Variants in KCNMA1 observed in about 807,000 individuals in gnomAD.
The protein encoded by KCNMA1 is Calcium-activated potassium channel subunit alpha-1.
A neutral mutation model predicts 140.0 loss-of-function variants in KCNMA1; 29 were observed. That is an observed-to-expected ratio of 0.21 (90% CI 0.15 to 0.28). KCNMA1 has a LOEUF of 0.28. KCNMA1 is among the 10% of genes least tolerant of loss of function. The pLI is 1.00. For missense variants in KCNMA1, 880 were observed against 1,602.2 expected, an observed-to-expected ratio of 0.55 and a Z score of 7.70; for synonymous variants, 612 against 611.9, an observed-to-expected ratio of 1.00 and a Z score of 0.00.
chr10:76,916,154 C>G (rs1178469213), intron 23 of KCNMA1, among the ~76,000 whole-genome samples: 1 of 152,118 alleles, frequency 6.6e-6, no homozygotes, highest in Non-Finnish European at 1.5e-5. Context: ...CATCTAAATC[C>G]TCCTGACTAA....
At chr10:77,529,688 T>A (rs1016072483) in intron 1 of KCNMA1, among the ~76,000 whole-genome samples, 26 of 152,040 alleles carry the variant, frequency 1.7e-4, no homozygotes, top group African/African-American at 6.3e-4. Context: ...AATTCCTAGA[T>A]AACTTAACCC....
chr10:77,552,369 G>T (rs1289648641), intron 1 of KCNMA1, among the ~76,000 whole-genome samples: 1 of 152,158 alleles, frequency 6.6e-6, no homozygotes, highest in African/African-American at 2.4e-5. Flanking sequence ...CATCCTCTGG[G>T]TCTGCTTCCT....
At chr10:77,278,698 T>G (rs1390737344) in intron 2 of KCNMA1, among the ~76,000 whole-genome samples, 2 of 152,312 alleles carry the variant, frequency 1.3e-5, no homozygotes, top group African/African-American at 4.8e-5. Flanking sequence ...GGATTTGGTA[T>G]GGTAAAAGTG....
intron 19 of KCNMA1, among the ~76,000 whole-genome samples, chr10:76,976,257 G>T (rs2077480521): frequency 2.6e-5 from 4 of 152,146 alleles, no homozygotes; most frequent in Admixed American, 2.6e-4. Context: ...TGCATTTCTG[G>T]CTTTTGTGGA....
intron 3 of KCNMA1, among the ~76,000 whole-genome samples, chr10:77,189,243 G>A (rs944259042): frequency 8.5e-5 from 13 of 152,106 alleles, no homozygotes; most frequent in Admixed American, 6.6e-4. Context: ...AATTATAGGT[G>A]TTGCTGCTCG....
intron 2 of KCNMA1, among the ~76,000 whole-genome samples, chr10:77,386,079 G>A (rs1027781435): frequency 3.3e-5 from 5 of 152,202 alleles, no homozygotes. Flanking sequence ...GTTCCAAGGA[G>A]CACTCACTGG....
chr10:76,887,515 C>A lies in KCNMA1; in HGVS notation c.3462G>T (p.Arg1154Ser). The change falls in exon 28 of 28, where the codon AGG (arginine) becomes AGT (serine). Residue 1154 changes from arginine to serine, a missense_variant and splice_region_variant. Coordinates refer to ENST00000286628, the MANE Select transcript of KCNMA1 (RefSeq NM_001161352.2). ...HLSTPSQCTK[R>S]YVITNPPYEF... is the part of the protein sequence containing the mutation. ...CATAGGGCGGGTTGGTGATGACATACCTGGACAGGGAAAGCAGAGATGTCA... is the reference window on the plus strand; with the variant it reads ...CATAGGGCGGGTTGGTGATGACATAACTGGACAGGGAAAGCAGAGATGTCA... 6.2e-7 allele frequency: 1 copy of A among 1,614,110 alleles called. No homozygotes were observed. Among genetic ancestry groups the A allele is most frequent in the Non-Finnish European group, 8.5e-7 (1 of 1,180,014 alleles).
chr10:76,879,277 C>T (rs2033545087), intron 29 of KCNMA1, among the ~76,000 whole-genome samples: 1 of 152,140 alleles, frequency 6.6e-6, no homozygotes, highest in Non-Finnish European at 1.5e-5. Flanking sequence ...AGCCTCGCCC[C>T]AGTTTAATGC....
At chr10:77,152,159 G>A (rs1442469638) in intron 5 of KCNMA1, among the ~76,000 whole-genome samples, 1 of 152,140 alleles carries the variant, frequency 6.6e-6, no homozygotes, top group African/African-American at 2.4e-5. Flanking sequence ...GATAGCAAGG[G>A]GTACATAGCA....
intron 5 of KCNMA1, among the ~76,000 whole-genome samples, chr10:77,177,408 C>T (rs1239504970): frequency 2.1e-5 from 3 of 144,788 alleles, no homozygotes; most frequent in Non-Finnish European, 4.5e-5. Flanking sequence ...TCCTTCCTTC[C>T]TTCTTTCCTC....
intron 2 of KCNMA1, among the ~76,000 whole-genome samples, chr10:77,403,301 A>C (rs2096342328): frequency 6.6e-6 from 1 of 152,168 alleles, no homozygotes; most frequent in Admixed American, 6.5e-5. Flanking sequence ...CTCTAGGTAC[A>C]CGGGCCAGGC....
At chr10:76,897,796 A>C (rs2043224198) in intron 25 of KCNMA1, among the ~76,000 whole-genome samples, 1 of 152,012 alleles carries the variant, frequency 6.6e-6, no homozygotes, top group Non-Finnish European at 1.5e-5. Context: ...GTATTGCTAA[A>C]ATTATGTTTT....
At chr10:77,411,896 C>A (rs763575938) in intron 1 of KCNMA1, among the ~76,000 whole-genome samples, 2 of 152,208 alleles carry the variant, frequency 1.3e-5, no homozygotes, top group Non-Finnish European at 2.9e-5. Context: ...TGCTAAGAAC[C>A]ACGGTTCTCT....
chr10:77,271,653 C>G (rs2065180899), intron 2 of KCNMA1, among the ~76,000 whole-genome samples: 1 of 152,106 alleles, frequency 6.6e-6, no homozygotes, highest in African/African-American at 2.4e-5. Context: ...TAAATAAATC[C>G]CCAGTTCAAT....
chr10:77,198,324 G>T (rs146492475), intron 3 of KCNMA1, among the ~76,000 whole-genome samples: 1 of 152,018 alleles, frequency 6.6e-6, no homozygotes, highest in African/African-American at 2.4e-5. Context: ...CCCAACAGTC[G>T]TGAAAGCTCG....
intron 1 of KCNMA1, among the ~76,000 whole-genome samples, chr10:77,589,263 G>A (rs1397989272): frequency 1.3e-5 from 2 of 152,150 alleles, no homozygotes; most frequent in African/African-American, 4.8e-5. Flanking sequence ...ATGGATGACT[G>A]GGGAGGCAGC....
chr10:77,051,037 T>C (rs1306348716), intron 14 of KCNMA1, among the ~76,000 whole-genome samples: 1 of 152,214 alleles, frequency 6.6e-6, no homozygotes, highest in African/African-American at 2.4e-5. Flanking sequence ...GGAATGTGGG[T>C]TGTGTAGATA....
intron 25 of KCNMA1, 59 bp from the exon 26 acceptor site, chr10:76,891,778 C>T: frequency 2.9e-6 from 4 of 1,380,324 alleles, no homozygotes; most frequent in Non-Finnish European, 3.1e-6. Context: ...AAAGTCATGA[C>T]AGCCGACATC....
chr10:77,313,805 A>C (rs1426035851), intron 2 of KCNMA1: 2 of 152,200 alleles, frequency 1.3e-5, no homozygotes, highest in Non-Finnish European at 2.9e-5. Context: ...AGTTTGTCAA[A>C]AACTTTATCT....
Sources: allele counts gnomAD v4.1 joint callset (sites outside exome capture counted in the v4.1 genomes callset), GRCh38; gene constraint gnomAD v4.1.1; transcripts MANE v1.5; gene names NCBI Gene and HGNC (gene_info 2026-07-23, HGNC 2026-07-21).